FHIT: variants seen among roughly 807,000 people sequenced by gnomAD.
FHIT encodes bis(5'-adenosyl)-triphosphatase.
In FHIT, 19 loss-of-function variants were observed where a neutral mutation model predicts 17.9. That is an observed-to-expected ratio of 1.06 (90% confidence interval 0.74 to 1.56). The LOEUF (loss-of-function observed/expected upper bound fraction) is 1.56, where lower values mean the gene tolerates loss of function less well. Among genes scored for constraint, FHIT ranks in the 40% most tolerant of loss-of-function variants. FHIT has a pLI of 0.00. For synonymous variants in FHIT, 81 were observed against 69.7 expected (o/e 1.16, Z -0.81); for missense variants, 248 against 189.2 (o/e 1.31, Z -1.82).
At chr3:59,821,869 T>C (rs1466946911) in intron 8 of FHIT, among the ~76,000 whole-genome samples, 4 of 152,188 alleles carry the variant, frequency 2.6e-5, no homozygotes, top group Non-Finnish European at 5.9e-5. Flanking sequence ...AGTTCTTCAG[T>C]GGTGATTTGT....
intron 5 of FHIT, among the ~76,000 whole-genome samples, chr3:60,205,967 A>G (rs1703153545): frequency 6.6e-6 from 1 of 150,556 alleles, no homozygotes; most frequent in Admixed American, 6.6e-5. Flanking sequence ...ATAAAAAAAA[A>G]TAAAAAAATA....
chr3:61,128,168 G>GA, intron 2 of FHIT, among the ~76,000 whole-genome samples: 1 of 152,080 alleles, frequency 6.6e-6, no homozygotes, highest in East Asian at 1.9e-4. Context: ...AAACAATAAT[G>GA]AAAAAAGAAA....
At position 61,206,181 on chromosome 3, in the gene FHIT, C is replaced by T. The variant is rs574167131; in HGVS notation, c.-212-5516G>A. 6.1e-4 allele frequency among the ~76,000 whole-genome samples: 82 copies of T among 135,314 alleles called. 3 individuals are homozygous for T. The highest frequency in any genetic ancestry group is 2.2e-3 in the African/African-American group (81 of 36,074). The allele number at this position is 135,314 out of a possible 152,430, so 88.8% of individuals were successfully genotyped here. ...TGTTCTGTTCCATTGATCTATATCT[C>T]TGTTTTGGTACCAGTACCATGCTGT... On this transcript the variant is annotated intron_variant, in intron 1 of 9. Transcript: ENST00000492590.
chr3:61,189,570 T>G (rs1055658733), intron 2 of FHIT, among the ~76,000 whole-genome samples: 1 of 152,212 alleles, frequency 6.6e-6, no homozygotes, highest in Non-Finnish European at 1.5e-5. Flanking sequence ...CTTCACAGAA[T>G]TGGAATAAAC....
At chr3:60,744,203 A>G (rs566383492) in intron 4 of FHIT, among the ~76,000 whole-genome samples, 15 of 141,004 alleles carry the variant, frequency 1.1e-4, no homozygotes, top group Admixed American at 4.5e-4. Flanking sequence ...CGTTTTCCCT[A>G]TGCAAACTGT....
At chr3:60,456,807 G>C (rs984368010) in intron 5 of FHIT, among the ~76,000 whole-genome samples, 1 of 152,014 alleles carries the variant, frequency 6.6e-6, no homozygotes, top group Non-Finnish European at 1.5e-5. Context: ...AGACTATATG[G>C]ATCAGGAGGC....
At position 59,752,217 on chromosome 3, in the gene FHIT, T is replaced by A; in HGVS notation, c.*5+4A>T. On this transcript the variant is annotated splice_donor_region_variant and intron_variant, in intron 9 of 9. Transcript: ENST00000492590. ...TCTGGGTAATGACGAAATGCAGTCTTTACCTGTGTCACTGAAAGTAGACCC... is the reference window on the plus strand; with the variant it reads ...TCTGGGTAATGACGAAATGCAGTCTATACCTGTGTCACTGAAAGTAGACCC... 1 of 1,608,256 alleles carries A rather than the reference T, an allele frequency of 6.2e-7. No homozygotes were observed. Among genetic ancestry groups the A allele is most frequent in the Non-Finnish European group, 8.5e-7 (1 of 1,175,516 alleles).
At chr3:61,044,347 G>A (rs1048229835) in intron 2 of FHIT, among the ~76,000 whole-genome samples, 4 of 152,098 alleles carry the variant, frequency 2.6e-5, no homozygotes, top group Admixed American at 1.3e-4. Context: ...CACAAGTTTC[G>A]GTAGCCAATT....
At chr3:59,884,165 G>A (rs1703522947) in intron 8 of FHIT, among the ~76,000 whole-genome samples, 1 of 152,176 alleles carries the variant, frequency 6.6e-6, no homozygotes, top group African/African-American at 2.4e-5. Context: ...TAAGTTGACT[G>A]TGATTACAGG....
At chr3:60,794,610 G>C (rs1700911022) in intron 4 of FHIT, among the ~76,000 whole-genome samples, 1 of 152,170 alleles carries the variant, frequency 6.6e-6, no homozygotes, top group African/African-American at 2.4e-5. Flanking sequence ...GTAGTTAAGA[G>C]TATATTAACA....
intron 5 of FHIT, among the ~76,000 whole-genome samples, chr3:60,036,119 T>A (rs1401360501): frequency 6.6e-6 from 1 of 152,184 alleles, no homozygotes; most frequent in Non-Finnish European, 1.5e-5. Context: ...CTGCCATAAC[T>A]AGTCATGTGG....
chr3:60,784,301 G>T (rs1480667027), intron 4 of FHIT, among the ~76,000 whole-genome samples: 2 of 151,992 alleles, frequency 1.3e-5, no homozygotes, highest in Non-Finnish European at 2.9e-5. Context: ...GCTGTTCTCA[G>T]GTGACCTGCT....
intron 5 of FHIT, among the ~76,000 whole-genome samples, chr3:60,156,084 G>A (rs896977658): frequency 6.6e-6 from 1 of 152,156 alleles, no homozygotes; most frequent in Non-Finnish European, 1.5e-5. Flanking sequence ...CCGGGTGTGG[G>A]GGCTCATGCC....
chr3:61,213,873 C>G (rs2039577413), intron 1 of FHIT, among the ~76,000 whole-genome samples: 2 of 152,182 alleles, frequency 1.3e-5, no homozygotes, highest in South Asian at 2.1e-4. Context: ...CGCTCAATTA[C>G]ATGGAAACTG....
At chr3:60,588,866 T>C (rs1346913909) in intron 4 of FHIT, among the ~76,000 whole-genome samples, 1 of 152,038 alleles carries the variant, frequency 6.6e-6, no homozygotes, top group African/African-American at 2.4e-5. Context: ...GTGACTTGTA[T>C]ATGTGTTGCT....
chr3:60,651,424 T>G (rs1395973359), intron 4 of FHIT, among the ~76,000 whole-genome samples: 1 of 152,170 alleles, frequency 6.6e-6, no homozygotes. Flanking sequence ...GAATCTTTAT[T>G]ATTGAAAAAT....
At chr3:60,597,890 G>A (rs1454091226) in intron 4 of FHIT, among the ~76,000 whole-genome samples, 3 of 152,096 alleles carry the variant, frequency 2.0e-5, no homozygotes, top group Non-Finnish European at 4.4e-5. Context: ...GTAAGTTAGA[G>A]GAAGAACAAC....
intron 5 of FHIT, among the ~76,000 whole-genome samples, chr3:60,106,652 G>T (rs958865016): frequency 6.6e-6 from 1 of 152,178 alleles, no homozygotes; most frequent in Non-Finnish European, 1.5e-5. Context: ...GCCAAGGACA[G>T]TGCTGCTTCC....
chr3:61,112,349 C>G (rs890351727), intron 2 of FHIT, among the ~76,000 whole-genome samples: 2 of 151,336 alleles, frequency 1.3e-5, no homozygotes, highest in African/African-American at 2.4e-5. Flanking sequence ...CCCAGAAAGA[C>G]AGGCGGCCCC....
Sources: gnomAD v4.1 joint callset for allele counts (sites outside exome capture counted in the v4.1 genomes callset) on GRCh38, gnomAD v4.1.1 for gene constraint, MANE v1.5 for transcripts, NCBI Gene and HGNC (gene_info 2026-07-23, HGNC 2026-07-21) for gene names.